Variants in PCNX1 observed in about 807,000 individuals in gnomAD.
PCNX1 encodes pecanex 1.
Under a neutral mutation model 242.2 loss-of-function variants are expected in PCNX1, and 78 were observed. The observed-to-expected ratio is 0.32, with a 90% CI of 0.27 to 0.39. The LOEUF (loss-of-function observed/expected upper bound fraction) is 0.39. PCNX1 is among the 10% of genes least tolerant of loss of function. The probability of loss-of-function intolerance (pLI) is 1.00; values close to 1 mark genes in which losing one functional copy is unlikely to be tolerated. For synonymous variants in PCNX1, 1,024 were observed against 1,032.9 expected, an observed-to-expected ratio of 0.99 and a Z score of 0.17; for missense variants, 2,581 against 2,856.5, an observed-to-expected ratio of 0.90 and a Z score of 2.20.
At chr14:70,942,276 A>C (rs776589333) in intron 1 of PCNX1, among the ~76,000 whole-genome samples, 3 of 151,952 alleles carry the variant, frequency 2.0e-5, no homozygotes, top group Non-Finnish European at 2.9e-5. Flanking sequence ...TTTAAACTCA[A>C]CTCTTTACAG....
intron 3 of PCNX1, among the ~76,000 whole-genome samples, chr14:70,966,564 C>T (rs1185367530): frequency 2.6e-5 from 4 of 152,146 alleles, no homozygotes. Context: ...GTTCATTCAC[C>T]AGAACTAGTT....
rs1208280832 is a variant in PCNX1 at position 70,939,731 on chromosome 14, G to T, written c.154-7184G>T. ...TGATCTGTCTAATGTTGACAGTGGG[G>T]TGTTAAAGTCTCCCATTATTGTGTG... On this transcript the variant is annotated intron_variant, in intron 1 of 35. Coordinates refer to ENST00000304743, the MANE Select transcript of PCNX1 (RefSeq NM_014982.3). 3.9e-5 allele frequency among the ~76,000 whole-genome samples: 6 copies of T among 152,290 alleles called. No individual in the cohort carries two copies. In the South Asian group the frequency reaches 1.2e-3, roughly 32 times the overall value.
In PCNX1 at chr14:70,988,297, A is replaced by C. The variant is rs941233604; in HGVS notation, c.2312-270A>C. ...AAAGATTTAAACAACAGAGATCTTA[A>C]AAATAGGAAATTGAGGTTGAAGAGA... is the stretch of plus-strand genomic sequence containing the variant. On this transcript the variant is annotated intron_variant, in intron 6 of 35. Transcript: ENST00000304743. Among the ~76,000 whole-genome samples, 3 of 152,226 alleles carry C rather than the reference A, an allele frequency of 2.0e-5. No individual in the cohort carries two copies. The South Asian group carries it at 6.2e-4, about 31-fold the overall frequency.
intron 3 of PCNX1, among the ~76,000 whole-genome samples, chr14:70,963,959 A>T (rs1009757901): frequency 1.3e-5 from 2 of 152,204 alleles, no homozygotes; most frequent in Non-Finnish European, 2.9e-5. Flanking sequence ...TGTTAAATTT[A>T]TCTTCCTTCC....
At chr14:70,970,738 A>G (rs964245117) in intron 5 of PCNX1, among the ~76,000 whole-genome samples, 2 of 152,216 alleles carry the variant, frequency 1.3e-5, no homozygotes, top group Non-Finnish European at 2.9e-5. Flanking sequence ...CTTGCTACTC[A>G]GCTACTCAAC....
intron 26 of PCNX1, 96 bp downstream of exon 26, chr14:71,057,820 A>G (rs2061223646): frequency 1.2e-6 from 1 of 849,826 alleles, no homozygotes; most frequent in Non-Finnish European, 1.9e-6. Context: ...TCATAGAATT[A>G]GATATTTGGG....
chr14:70,976,452 A>G (rs1294409809), intron 5 of PCNX1, among the ~76,000 whole-genome samples: 1 of 146,530 alleles, frequency 6.8e-6, no homozygotes, highest in Non-Finnish European at 1.5e-5. Flanking sequence ...GGCTCACTGC[A>G]TGCTCCGCCT....
At chr14:71,009,984 A>T (rs2059778493) in intron 9 of PCNX1, 2 of 284,658 alleles carry the variant, frequency 7.0e-6, no homozygotes, top group Non-Finnish European at 1.3e-5. Context: ...ACTTAAATCT[A>T]CTCTCTTAGT....
intron 30 of PCNX1, among the ~76,000 whole-genome samples, chr14:71,099,390 C>G (rs914773814): frequency 2.6e-5 from 4 of 152,168 alleles, no homozygotes; most frequent in Non-Finnish European, 5.9e-5. Flanking sequence ...GATCTCCTGA[C>G]CTCGTGATCC....
chr14:71,076,512 A>G (rs566800848), intron 28 of PCNX1, 93 bp downstream of exon 28: 12 of 760,610 alleles, frequency 1.6e-5, no homozygotes, highest in African/African-American at 1.6e-4. Flanking sequence ...CAGTTTTTCA[A>G]GACCTTCCTC....
intron 26 of PCNX1, among the ~76,000 whole-genome samples, chr14:71,064,140 A>G (rs915620982): frequency 6.6e-6 from 1 of 152,160 alleles, no homozygotes; most frequent in Non-Finnish European, 1.5e-5. Flanking sequence ...TGACTGGAAG[A>G]TTTAGGTAAT....
chr14:70,972,164 G>A (rs2058560768), intron 5 of PCNX1, among the ~76,000 whole-genome samples: 1 of 151,910 alleles, frequency 6.6e-6, no homozygotes, highest in Admixed American at 6.6e-5. Context: ...AGAAGTAGTG[G>A]TCATAGATGA....
At chr14:70,945,894 G>C (rs189828113) in intron 1 of PCNX1, among the ~76,000 whole-genome samples, 248 of 152,298 alleles carry the variant, frequency 1.6e-3, no homozygotes, top group African/African-American at 5.7e-3. Context: ...ATTGAATCTT[G>C]TGAAAACATG....
chr14:71,093,787 C>G (rs1472246279), intron 30 of PCNX1: 2 of 152,196 alleles, frequency 1.3e-5, no homozygotes, highest in South Asian at 2.1e-4. Context: ...CAGCCTGTTC[C>G]AAATGTGAGA....
At chr14:70,952,334 T>C (rs2057816980) in intron 2 of PCNX1, among the ~76,000 whole-genome samples, 1 of 152,192 alleles carries the variant, frequency 6.6e-6, no homozygotes, top group Non-Finnish European at 1.5e-5. Context: ...ACTACTTCAT[T>C]ACCTACCACA....
At position 70,977,065 on chromosome 14, in the gene PCNX1, C is replaced by G. The variant is rs1341856614; in HGVS notation, c.728C>G (p.Pro243Arg). 35 of 1,614,118 alleles carry G rather than the reference C, an allele frequency of 2.2e-5. No homozygotes were observed. Among genetic ancestry groups the G allele is most frequent in the Non-Finnish European group, 3.0e-5 (35 of 1,180,028 alleles). Residue 243 changes from proline to arginine, a missense_variant, in exon 6 of 36, where the codon CCA (proline) becomes CGA (arginine). Coordinates refer to ENST00000304743, the MANE Select transcript of PCNX1 (RefSeq NM_014982.3). ...PRDFSDKVNL[P>R]SHNHHHHVDQ... ...GACTTCAGTGACAAAGTGAACCTGC[C>G]AAGTCATAACCACCACCACCATGTT...
intron 13 of PCNX1, among the ~76,000 whole-genome samples, chr14:71,023,995 A>G (rs991651383): frequency 5.3e-5 from 8 of 152,170 alleles, no homozygotes; most frequent in Non-Finnish European, 1.2e-4. Flanking sequence ...GTAATGATAT[A>G]TGGAAACATT....
At chr14:71,062,589 G>T (rs1046734186) in intron 26 of PCNX1, among the ~76,000 whole-genome samples, 1 of 151,860 alleles carries the variant, frequency 6.6e-6, no homozygotes, top group African/African-American at 2.4e-5. Flanking sequence ...TAATTTAAGC[G>T]TTATTACAAA....
intron 7 of PCNX1, among the ~76,000 whole-genome samples, chr14:70,994,063 C>A (rs1380490243): frequency 6.6e-6 from 1 of 152,006 alleles, no homozygotes; most frequent in East Asian, 1.9e-4. Context: ...CATTTGTAGA[C>A]TTAGTTTTTT....
Sources: gnomAD v4.1 joint callset for allele counts (sites outside exome capture counted in the v4.1 genomes callset) on GRCh38, gnomAD v4.1.1 for gene constraint, MANE v1.5 for transcripts, NCBI Gene and HGNC (gene_info 2026-07-23, HGNC 2026-07-21) for gene names.